The following IMPG1 variants were observed in gnomAD, a reference collection of about 807,000 sequenced individuals.
IMPG1 encodes the protein interphotoreceptor matrix proteoglycan of 150 kDa.
In IMPG1, 85 loss-of-function variants were observed where a neutral mutation model predicts 92.0. That is an observed-to-expected ratio of 0.92 (90% CI 0.78 to 1.11). The LOEUF (loss-of-function observed/expected upper bound fraction) is 1.11. Ranked by LOEUF, IMPG1 falls within the 50% of genes least tolerant of loss-of-function variation. IMPG1 has a pLI of 0.00. For missense variants in IMPG1, 1,022 were observed against 956.0 expected (o/e 1.07, Z -0.91); for synonymous variants, 367 against 334.1 (o/e 1.10, Z -1.08).
At chr6:75,964,569 C>T (rs1009861144) in intron 12 of IMPG1, among the ~76,000 whole-genome samples, 3 of 149,848 alleles carry the variant, frequency 2.0e-5, no homozygotes, top group Non-Finnish European at 4.4e-5. Context: ...CCCAGCTACT[C>T]AGGAGGCTGA....
At chr6:75,936,751 G>A (rs1781752673) in intron 14 of IMPG1, among the ~76,000 whole-genome samples, 1 of 152,198 alleles carries the variant, frequency 6.6e-6, no homozygotes, top group Admixed American at 6.5e-5. Flanking sequence ...GTTCTGGATG[G>A]ATTGGCACTA....
At chr6:75,927,883 A>G (rs2149449084) in intron 15 of IMPG1, among the ~76,000 whole-genome samples, 1 of 152,186 alleles carries the variant, frequency 6.6e-6, no homozygotes. Flanking sequence ...AGTCCATGTT[A>G]TGCCCCAGAG....
chr6:76,051,942 T>C (rs1338408276), intron 1 of IMPG1, among the ~76,000 whole-genome samples: 1 of 151,850 alleles, frequency 6.6e-6, no homozygotes, highest in Non-Finnish European at 1.5e-5. Flanking sequence ...ATTCCATACG[T>C]GTACATATGT....
intron 12 of IMPG1, among the ~76,000 whole-genome samples, chr6:75,965,894 A>C (rs566849311): frequency 2.6e-4 from 39 of 152,230 alleles, no homozygotes; most frequent in African/African-American, 8.7e-4. Flanking sequence ...GGCATGAGCC[A>C]CCACGCCCAG....
At chr6:75,983,939 C>T (rs1304623831) in intron 12 of IMPG1, among the ~76,000 whole-genome samples, 2 of 151,638 alleles carry the variant, frequency 1.3e-5, no homozygotes, top group Non-Finnish European at 2.9e-5. Context: ...AAGAAGACAC[C>T]CAAATGGCCA....
At chr6:75,982,956 CT>C (rs1361672330) in intron 12 of IMPG1, among the ~76,000 whole-genome samples, 1 of 151,942 alleles carries the variant, frequency 6.6e-6, no homozygotes, top group Non-Finnish European at 1.5e-5. Flanking sequence ...TCAGTCATCC[CT>C]TCATCTAGAG....
chr6:75,998,387 T>C (rs1234216014), intron 12 of IMPG1, among the ~76,000 whole-genome samples: 1 of 152,208 alleles, frequency 6.6e-6, no homozygotes, highest in Admixed American at 6.5e-5. Context: ...TGGTTTTACA[T>C]TGAGATCATT....
chr6:76,065,628 A>G (rs371855774), intron 1 of IMPG1, among the ~76,000 whole-genome samples: 13 of 152,224 alleles, frequency 8.5e-5, no homozygotes, highest in African/African-American at 2.9e-4. Context: ...CTGAGGGAAA[A>G]TAAGAAGTAA....
chr6:75,965,055 G>A (rs1782283767), intron 12 of IMPG1, among the ~76,000 whole-genome samples: 1 of 152,142 alleles, frequency 6.6e-6, no homozygotes, highest in Admixed American at 6.5e-5. Context: ...TTGCTGAGTA[G>A]TATTACATTA....
intron 5 of IMPG1, 142 bp downstream of exon 5, chr6:76,025,052 G>T: frequency 1.5e-6 from 1 of 650,476 alleles, no homozygotes; most frequent in Non-Finnish European, 2.8e-6. Flanking sequence ...TTTAAATTAT[G>T]TTATAAAGTT....
At chr6:76,069,200 C>A (rs1784366153) in intron 1 of IMPG1, among the ~76,000 whole-genome samples, 1 of 152,042 alleles carries the variant, frequency 6.6e-6, no homozygotes, top group African/African-American at 2.4e-5. Flanking sequence ...ACCAATATCC[C>A]TCACTGTATA....
At chr6:76,005,028 C>T (rs751790329) in intron 10 of IMPG1, among the ~76,000 whole-genome samples, 1 of 152,172 alleles carries the variant, frequency 6.6e-6, no homozygotes, top group Non-Finnish European at 1.5e-5. Context: ...TGCCTTCGTT[C>T]TCCGCAGTTG....
intron 4 of IMPG1, among the ~76,000 whole-genome samples, chr6:76,027,899 A>G (rs1177433305): frequency 6.6e-6 from 1 of 152,240 alleles, no homozygotes; most frequent in Non-Finnish European, 1.5e-5. Context: ...AAGGCTTCTC[A>G]AAATCAAACT....
At chr6:76,070,818 G>C (rs772033934) in intron 1 of IMPG1, among the ~76,000 whole-genome samples, 2 of 151,246 alleles carry the variant, frequency 1.3e-5, no homozygotes, top group Non-Finnish European at 2.9e-5. Context: ...CATTCAAAAA[G>C]ATGAGAGAGT....
At chr6:76,024,245 A>G (rs890247012) in intron 5 of IMPG1, among the ~76,000 whole-genome samples, 1 of 152,172 alleles carries the variant, frequency 6.6e-6, no homozygotes, top group African/African-American at 2.4e-5. Context: ...AAGTAATATC[A>G]TTTATTTACA....
rs140696325 is a variant in IMPG1, at chr6:76,072,026, T to C, written c.67+396A>G. ...GAGAAGGTAAGAAATACTTACTTTT[T>C]TTTGTCTGACCATAAATGACTTAAA... is the stretch of plus-strand genomic sequence containing the variant. On this transcript the variant is annotated intron_variant, in intron 1 of 16. Coordinates refer to ENST00000369950, the MANE Select transcript of IMPG1 (RefSeq NM_001563.4). Among the ~76,000 whole-genome samples the C allele has an allele frequency of 6.4e-4, 98 of 152,220 alleles. No homozygotes were observed. In the East Asian group the frequency reaches 0.016, roughly 25 times the overall value.
At chr6:76,038,486 A>C (rs1400642710) in intron 2 of IMPG1, among the ~76,000 whole-genome samples, 1 of 152,040 alleles carries the variant, frequency 6.6e-6, no homozygotes, top group African/African-American at 2.4e-5. Context: ...GACTCTTTCC[A>C]TGATTGGAAT....
chr6:76,002,195 G>C (rs1301082701), intron 12 of IMPG1, among the ~76,000 whole-genome samples: 1 of 152,128 alleles, frequency 6.6e-6, no homozygotes, highest in Non-Finnish European at 1.5e-5. Flanking sequence ...AGAGTGGAAA[G>C]AATAGGGGTT....
intron 12 of IMPG1, among the ~76,000 whole-genome samples, chr6:75,974,380 TTTCTTTCTTTCTTTTCTTTCTTTCC>T (rs1562354674): frequency 4.6e-4 from 35 of 76,362 alleles, no homozygotes; most frequent in African/African-American, 1.5e-3. Context: ...TCTTTCTTTC[TTTCTTTCTTTCTTTTCTTTCTTTCC>T]TTCCTTCCTT....
Sources: gnomAD v4.1 joint callset for allele counts (sites outside exome capture counted in the v4.1 genomes callset) on GRCh38, gnomAD v4.1.1 for gene constraint, MANE v1.5 for transcripts, NCBI Gene and HGNC (gene_info 2026-07-23, HGNC 2026-07-21) for gene names.